Variants in PTPRD observed in about 807,000 individuals in gnomAD.
The protein encoded by PTPRD is receptor-type tyrosine-protein phosphatase delta.
A neutral mutation model predicts 214.5 loss-of-function variants in PTPRD; 34 were observed. The observed-to-expected ratio is 0.16, with a 90% CI of 0.12 to 0.21. The LOEUF (loss-of-function observed/expected upper bound fraction) is 0.21. PTPRD is among the 10% of genes least tolerant of loss of function. The pLI is 1.00. For synonymous variants in PTPRD, 1,128 were observed against 845.7 expected, an observed-to-expected ratio of 1.33 and a Z score of -5.79; for missense variants, 2,545 against 2,398.7, an observed-to-expected ratio of 1.06 and a Z score of -1.27.
At chr9:10,248,911 C>A (rs1203144578) in intron 3 of PTPRD, among the ~76,000 whole-genome samples, 1 of 151,834 alleles carries the variant, frequency 6.6e-6, no homozygotes, top group Non-Finnish European at 1.5e-5. Flanking sequence ...TAGATTTCCA[C>A]TCAAATGCAG....
chr9:10,032,078 C>T (rs1021805930), intron 4 of PTPRD, among the ~76,000 whole-genome samples: 4 of 152,038 alleles, frequency 2.6e-5, no homozygotes, highest in African/African-American at 9.7e-5. Context: ...TAAATGTGAG[C>T]TACTATTGGA....
At chr9:9,875,377 C>A (rs4354367) in intron 5 of PTPRD, among the ~76,000 whole-genome samples, 16,115 of 151,688 alleles carry the variant, frequency 0.11, 1,313 homozygotes, top group African/African-American at 0.23. Flanking sequence ...GGCTCAAAAA[C>A]AAAAATAAAA....
chr9:8,479,426 CT>C (rs1166101156), intron 30 of PTPRD, among the ~76,000 whole-genome samples: 1 of 152,118 alleles, frequency 6.6e-6, no homozygotes, highest in Admixed American at 6.5e-5. Flanking sequence ...AAATAGTTTG[CT>C]TTCTTTTTCT....
At chr9:10,456,257 T>A (rs891902619) in intron 2 of PTPRD, among the ~76,000 whole-genome samples, 1 of 151,954 alleles carries the variant, frequency 6.6e-6, no homozygotes, top group African/African-American at 2.4e-5. Context: ...AGTGCTGTTT[T>A]GAAATACCAT....
At chr9:10,495,659 A>G (rs1393678423) in intron 2 of PTPRD, among the ~76,000 whole-genome samples, 1 of 151,856 alleles carries the variant, frequency 6.6e-6, no homozygotes, top group East Asian at 1.9e-4. Flanking sequence ...AAATATTCTA[A>G]TATATTTAAT....
chr9:10,050,908 C>T (rs952711253), intron 3 of PTPRD, among the ~76,000 whole-genome samples: 6 of 152,076 alleles, frequency 3.9e-5, no homozygotes, highest in Middle Eastern at 3.2e-3. Flanking sequence ...AATGTTGATT[C>T]ACTTTCCTGT....
At chr9:10,143,615 T>C (rs2099002534) in intron 3 of PTPRD, among the ~76,000 whole-genome samples, 3 of 152,136 alleles carry the variant, frequency 2.0e-5, no homozygotes, top group African/African-American at 7.2e-5. Flanking sequence ...TGTATGTTCA[T>C]TGCAGCACCA....
intron 21 of PTPRD, among the ~76,000 whole-genome samples, chr9:8,512,980 G>A (rs1186277275): frequency 2.0e-5 from 3 of 151,854 alleles, no homozygotes. Flanking sequence ...AAAACTATAG[G>A]AGGTCCTTTT....
At chr9:9,826,409 A>G (rs1166941824) in intron 5 of PTPRD, among the ~76,000 whole-genome samples, 4 of 151,912 alleles carry the variant, frequency 2.6e-5, no homozygotes, top group African/African-American at 9.7e-5. Flanking sequence ...AAAAAAATAC[A>G]ATTTTGAAGT....
intron 3 of PTPRD, among the ~76,000 whole-genome samples, chr9:10,216,440 A>C (rs980882968): frequency 6.6e-6 from 1 of 151,972 alleles, no homozygotes; most frequent in African/African-American, 2.4e-5. Context: ...TACACCATTA[A>C]AACTAAAATG....
chr9:10,159,284 TTCTAAGCAAATATA>T (rs1035842216), intron 3 of PTPRD, among the ~76,000 whole-genome samples: 2 of 152,232 alleles, frequency 1.3e-5, no homozygotes, highest in East Asian at 1.9e-4. Context: ...TAGTCTAATT[TTCTAAGCAAATATA>T]TCTAAGCAAA....
chr9:10,386,010 AT>A (rs1039630740), intron 2 of PTPRD, among the ~76,000 whole-genome samples: 1 of 151,638 alleles, frequency 6.6e-6, no homozygotes. Flanking sequence ...TTACCTTTGG[AT>A]TTTTTTTCTT....
At chr9:8,395,007 C>A (rs2090716527) in intron 36 of PTPRD, among the ~76,000 whole-genome samples, 1 of 152,230 alleles carries the variant, frequency 6.6e-6, no homozygotes, top group South Asian at 2.1e-4. Flanking sequence ...GTGGATGCGG[C>A]TGCACTACAG....
chr9:8,445,516 G>A (rs958890901), intron 34 of PTPRD, among the ~76,000 whole-genome samples: 3 of 152,012 alleles, frequency 2.0e-5, no homozygotes, highest in Non-Finnish European at 4.4e-5. Flanking sequence ...CTTTAATAAT[G>A]AAAGTGTACA....
intron 3 of PTPRD, among the ~76,000 whole-genome samples, chr9:10,186,547 A>G (rs573337830): frequency 6.6e-6 from 1 of 152,284 alleles, no homozygotes; most frequent in East Asian, 1.9e-4. Context: ...AAACAGAATT[A>G]ACACTGAACC....
chr9:8,871,468 G>C (rs2098297426), intron 11 of PTPRD, among the ~76,000 whole-genome samples: 2 of 152,156 alleles, frequency 1.3e-5, no homozygotes, highest in African/African-American at 2.4e-5. Flanking sequence ...AAGGAACAGA[G>C]TTCCTGTGGG....
At chr9:9,596,214 A>G (rs1417991914) in intron 7 of PTPRD, among the ~76,000 whole-genome samples, 5 of 152,008 alleles carry the variant, frequency 3.3e-5, no homozygotes, top group African/African-American at 1.2e-4. Flanking sequence ...AAACTTAAAT[A>G]GGTTATATTA....
chr9:9,542,505 T>C (rs1407104094), intron 8 of PTPRD, among the ~76,000 whole-genome samples: 1 of 151,666 alleles, frequency 6.6e-6, no homozygotes, highest in Non-Finnish European at 1.5e-5. Context: ...AAAGATATCA[T>C]TAAAAAGATG....
At chr9:10,188,757 A>G (rs1593554046) in intron 3 of PTPRD, among the ~76,000 whole-genome samples, 2 of 152,154 alleles carry the variant, frequency 1.3e-5, no homozygotes, top group East Asian at 3.9e-4. Flanking sequence ...CCAGAAGCAA[A>G]TAGGTTGATT....
Sources: allele counts gnomAD v4.1 joint callset (sites outside exome capture counted in the v4.1 genomes callset), GRCh38; gene constraint gnomAD v4.1.1; transcripts MANE v1.5; gene names NCBI Gene and HGNC (gene_info 2026-07-23, HGNC 2026-07-21).